The following NSFL1C variants were observed in gnomAD, a reference collection of about 807,000 sequenced individuals.
The protein encoded by NSFL1C is NSFL1 cofactor p47.
NSFL1C carries 14 observed loss-of-function variants against 43.1 expected under a neutral mutation model. The ratio of observed to expected loss-of-function variants is 0.32; its 90% CI spans 0.21 to 0.51. The LOEUF (loss-of-function observed/expected upper bound fraction) is 0.51. Among genes scored for constraint, NSFL1C ranks in the 20% least tolerant of loss-of-function variants. The pLI, the probability that NSFL1C is intolerant of heterozygous loss-of-function variation, is 0.98. For missense variants in NSFL1C, 406 were observed against 472.5 expected (o/e 0.86, Z 1.30); for synonymous variants, 171 against 183.5 (o/e 0.93, Z 0.55).
chr20:1,453,221 A>G, intron 5 of NSFL1C, 81 bp from the exon 6 acceptor site: 1 of 797,652 alleles, frequency 1.3e-6, no homozygotes, highest in South Asian at 1.4e-5. Flanking sequence ...GGTTTTTACT[A>G]TTTCTCAGTG....
At chr20:1,448,366 T>G (rs1184221941) in intron 7 of NSFL1C, among the ~76,000 whole-genome samples, 1 of 152,180 alleles carries the variant, frequency 6.6e-6, no homozygotes, top group South Asian at 2.1e-4. Flanking sequence ...TGTCTTTGTG[T>G]GTAAAATGAG....
chr20:1,465,640 T>C (rs931264692), intron 1 of NSFL1C, among the ~76,000 whole-genome samples: 2 of 152,248 alleles, frequency 1.3e-5, no homozygotes, highest in Non-Finnish European at 2.9e-5. Context: ...TTACTGGCTA[T>C]GTGACCCTGA....
intron 5 of NSFL1C, among the ~76,000 whole-genome samples, chr20:1,453,687 A>G (rs1450178276): frequency 3.9e-5 from 6 of 152,192 alleles, no homozygotes; most frequent in African/African-American, 7.2e-5. Flanking sequence ...GATTTAAAAC[A>G]TATTATAGAA....
rs534288840 is a variant in NSFL1C at position 1,452,457 on chromosome 20, T to C, written c.785+36A>G. Reference sequence around the variant, plus strand: ...GTCTGCTGGGCTTGGCAGGTGTGATTGACAGAGTCTGGCTCTAACCTGTGC... The same window carrying C: ...GTCTGCTGGGCTTGGCAGGTGTGATCGACAGAGTCTGGCTCTAACCTGTGC... On this transcript the variant is annotated intron_variant, in intron 7 of 8. Transcript: ENST00000216879. 8 of 1,608,446 alleles carry C rather than the reference T, an allele frequency of 5.0e-6. No individual in the cohort carries two copies. The African/African-American group carries it at 6.7e-5, about 13-fold the overall frequency.
At chr20:1,445,858 C>G in intron 7 of NSFL1C, 28 bp from the exon 8 acceptor site, 1 of 1,608,558 alleles carries the variant, frequency 6.2e-7, no homozygotes, top group Non-Finnish European at 8.5e-7. Context: ...CATCAGAACA[C>G]AAGCAGAAAC....
chr20:1,450,419 G>A (rs1215417349), intron 7 of NSFL1C, among the ~76,000 whole-genome samples: 1 of 152,086 alleles, frequency 6.6e-6, no homozygotes, highest in Non-Finnish European at 1.5e-5. Context: ...TGAACACTTT[G>A]TTGATAAACA....
chr20:1,443,894 A>C lies in NSFL1C; in HGVS notation c.968T>G (p.Leu323Arg). ...NHSHRISDIR[L>R]FIVDARPAMA... is the part of the protein sequence containing the mutation. ...GGCTGGCCGGGCATCCACGATGAAG[A>C]GTCGGATGTCGCTGATCCTGCAGGA... is the stretch of plus-strand genomic sequence containing the variant. Residue 323 changes from leucine (L) to arginine (R), a missense_variant, in exon 9 of 9, where the codon CTC (leucine) becomes CGC (arginine). Physicochemically the swap from Leu to Arg is moderately radical, Grantham distance 102 (BLOSUM62 -2). Transcript: ENST00000216879. 6.2e-7 allele frequency: 1 copy of C among 1,612,284 alleles called. No individual in the cohort carries two copies. The highest frequency in any genetic ancestry group is 8.5e-7 in the Non-Finnish European group (1 of 1,179,792).
intron 8 of NSFL1C, among the ~76,000 whole-genome samples, chr20:1,445,316 C>T (rs1298926845): frequency 1.3e-5 from 2 of 152,200 alleles, no homozygotes; most frequent in African/African-American, 2.4e-5. Context: ...CCTTCTCCTC[C>T]ATCAACCACA....
intron 7 of NSFL1C, among the ~76,000 whole-genome samples, chr20:1,451,885 T>C (rs996495252): frequency 1.3e-5 from 2 of 151,812 alleles, no homozygotes; most frequent in Non-Finnish European, 2.9e-5. Flanking sequence ...AGTGGCAGAG[T>C]GAGTGTCAGG....
chr20:1,449,726 C>T lies in NSFL1C; in HGVS notation c.785+2767G>A, dbSNP rs188851010. Among the ~76,000 whole-genome samples, 496 of 152,204 alleles carry T rather than the reference C, an allele frequency of 3.3e-3. 1 individual carries two copies. Among genetic ancestry groups the T allele is most frequent in the Middle Eastern group, 0.014 (4 of 294 alleles). Reference sequence around the variant, plus strand: ...GAAAATGAGTCTCAATTCAAGAGCCCGAATCACCCAACTCCTCCTATCTTT... The same window carrying T: ...GAAAATGAGTCTCAATTCAAGAGCCTGAATCACCCAACTCCTCCTATCTTT... On this transcript the variant is annotated intron_variant, in intron 7 of 8. Coordinates refer to ENST00000216879, the MANE Select transcript of NSFL1C (RefSeq NM_016143.5).
At chr20:1,449,236 C>T (rs188601867) in intron 7 of NSFL1C, among the ~76,000 whole-genome samples, 26 of 151,840 alleles carry the variant, frequency 1.7e-4, no homozygotes, top group African/African-American at 4.1e-4. Flanking sequence ...ATAAAACACT[C>T]GACTAACTAA....
In NSFL1C at chr20:1,455,149, C is replaced by A; in HGVS notation, c.279-17G>T. 1 of 1,614,100 alleles carries A rather than the reference C, an allele frequency of 6.2e-7. No individual in the cohort carries two copies. Among genetic ancestry groups the A allele is most frequent in the Non-Finnish European group, 8.5e-7 (1 of 1,179,936 alleles). On this transcript the variant is annotated splice_polypyrimidine_tract_variant and intron_variant, in intron 3 of 8. Coordinates refer to ENST00000216879, the MANE Select transcript of NSFL1C (RefSeq NM_016143.5). Reference sequence around the variant, plus strand: ...GCATAAAACCTGTGTACAAAATACACCTCTAACATGAAACACTCATGGAAA... The same window carrying A: ...GCATAAAACCTGTGTACAAAATACAACTCTAACATGAAACACTCATGGAAA...
chr20:1,458,171 G>C (rs781591580), intron 3 of NSFL1C, 29 bp downstream of exon 3: 2 of 1,579,460 alleles, frequency 1.3e-6, no homozygotes, highest in South Asian at 2.2e-5. Context: ...CCTGTGAACT[G>C]TCCCCCTGAC....
intron 7 of NSFL1C, among the ~76,000 whole-genome samples, chr20:1,450,379 A>G (rs2090158917): frequency 6.6e-6 from 1 of 152,216 alleles, no homozygotes; most frequent in Non-Finnish European, 1.5e-5. Flanking sequence ...AAAAGCCAGA[A>G]CTGAAATAAA....
Position 1,455,118 on chromosome 20 carries a change from C to T in NSFL1C, c.293G>A (p.Gly98Asp). 2 of 1,614,184 alleles carry T rather than the reference C, an allele frequency of 1.2e-6. No individual in the cohort carries two copies. The highest frequency in any genetic ancestry group is 1.1e-5 in the South Asian group (1 of 91,088). Reference sequence around the variant, plus strand: ...AATCTGCTGTCCACTTCTCTCTGAGCCCCCAGCATAAAACCTGTGTACAAA... The same window carrying T: ...AATCTGCTGTCCACTTCTCTCTGAGTCCCCAGCATAAAACCTGTGTACAAA... ...EEEGQRFYAG[G>D]SERSGQQIVG... Residue 98 changes from glycine (G) to aspartate (D), a missense_variant, in exon 4 of 9, where the codon GGC (glycine) becomes GAC (aspartate). Physicochemically the swap from Gly to Asp is moderately conservative, Grantham distance 94. Transcript: ENST00000216879.
chr20:1,465,088 C>T (rs1178019053), intron 1 of NSFL1C, among the ~76,000 whole-genome samples: 13 of 152,206 alleles, frequency 8.5e-5, no homozygotes, highest in Non-Finnish European at 2.9e-5. Flanking sequence ...TATGCATACT[C>T]GCATCTTAGG....
chr20:1,459,515 A>G (rs561807327), intron 2 of NSFL1C, among the ~76,000 whole-genome samples: 1 of 152,338 alleles, frequency 6.6e-6, no homozygotes, highest in African/African-American at 2.4e-5. Context: ...AAAGACTAAC[A>G]GAGAGTAATA....
chr20:1,461,752 A>C (rs1053876082), intron 2 of NSFL1C, among the ~76,000 whole-genome samples: 9 of 152,172 alleles, frequency 5.9e-5, no homozygotes, highest in Admixed American at 5.2e-4. Flanking sequence ...CATCTGTAAA[A>C]TAGGAATAGT....
chr20:1,455,259 G>T, intron 3 of NSFL1C, 127 bp from the exon 4 acceptor site: 2 of 1,121,406 alleles, frequency 1.8e-6, no homozygotes, highest in Non-Finnish European at 2.7e-6. Flanking sequence ...TTACTGGCTA[G>T]TTGGGAACAC....
Sources: gnomAD v4.1 joint callset for allele counts (sites outside exome capture counted in the v4.1 genomes callset) on GRCh38, gnomAD v4.1.1 for gene constraint, MANE v1.5 for transcripts, NCBI Gene and HGNC (gene_info 2026-07-23, HGNC 2026-07-21) for gene names.